NLRP1: variants seen among roughly 807,000 people sequenced by gnomAD.
The protein encoded by NLRP1 is NACHT, LRR and PYD domains-containing protein 1.
Under a neutral mutation model 136.7 loss-of-function variants are expected in NLRP1, and 94 were observed. The observed-to-expected ratio is 0.69, with a 90% CI of 0.58 to 0.82. The LOEUF (loss-of-function observed/expected upper bound fraction) is 0.82. Ranked by LOEUF, NLRP1 falls within the 40% of genes least tolerant of loss-of-function variation. The probability of loss-of-function intolerance (pLI) is 0.00; values close to 1 mark genes in which losing one functional copy is unlikely to be tolerated. For missense variants in NLRP1, 1,575 were observed against 1,802.7 expected (o/e 0.87, Z 2.29); for synonymous variants, 690 against 725.1 (o/e 0.95, Z 0.78).
chr17:5,532,349 G>C (rs1597412837), intron 11 of NLRP1, among the ~76,000 whole-genome samples: 1 of 152,202 alleles, frequency 6.6e-6, no homozygotes, highest in East Asian at 1.9e-4. Context: ...TAGATGAAAT[G>C]AAAGACTTAC....
Position 5,584,023 on chromosome 17 carries a change from G to A in NLRP1, c.-66C>T. 2 of 1,482,846 alleles carry A rather than the reference G, an allele frequency of 1.3e-6. No homozygotes were observed. Among genetic ancestry groups the A allele is most frequent in the Non-Finnish European group, 9.2e-7 (1 of 1,087,754 alleles). The allele number at this position is 1,482,846 out of a possible 1,614,324, so 91.9% of individuals were successfully genotyped here. On this transcript the variant is annotated 5_prime_UTR_variant, in exon 1 of 17. Transcript: ENST00000572272. ...AGGTGGTGAGGGTATCAGGCAGGCAGAGAACAGTGCTGTCCTTTGCCTTGG... is the reference window on the plus strand; with the variant it reads ...AGGTGGTGAGGGTATCAGGCAGGCAAAGAACAGTGCTGTCCTTTGCCTTGG...
At position 5,533,350 on chromosome 17, in the gene NLRP1, G is replaced by A. The variant is rs755033516; in HGVS notation, c.3087C>T (p.Leu1029=). The A allele has an allele frequency of 4.9e-6, 7 of 1,427,754 alleles. No individual in the cohort carries two copies. The South Asian group carries it at 8.6e-5, about 17-fold the overall frequency. The allele number at this position is 1,427,754 out of a possible 1,614,324, so 88.4% of individuals were successfully genotyped here. A position where few individuals can be genotyped will look rare whatever the true frequency, so the allele number is the denominator to read the frequency against. Residue 1029 remains leucine (L), a synonymous_variant, in exon 10 of 17, where the codon CTC becomes CTT. Coordinates refer to ENST00000572272, the MANE Select transcript of NLRP1 (RefSeq NM_033004.4). ...AGATCTTGCTCACGTCCAGGAGTTT[G>A]AGATTAGCCTGAGCAACATGGGAAG... ...RAASHVAQAN[L]KLLDVSKIFP...
chr17:5,564,654 G>A (rs1227873454), intron 3 of NLRP1, among the ~76,000 whole-genome samples: 1 of 151,184 alleles, frequency 6.6e-6, no homozygotes, highest in African/African-American at 2.4e-5. Flanking sequence ...CACAAACATA[G>A]AAGTGCATGT....
chr17:5,571,179 A>C (rs1288618158), intron 3 of NLRP1, among the ~76,000 whole-genome samples: 2 of 152,222 alleles, frequency 1.3e-5, no homozygotes, highest in African/African-American at 2.4e-5. Context: ...AGCTGGAAGT[A>C]TTCTCCTTGA....
chr17:5,513,006 G>A (rs79902710), downstream of NLRP1, among the ~76,000 whole-genome samples: 2,705 of 152,232 alleles, frequency 0.018, 78 homozygotes, highest in African/African-American at 0.061. Context: ...GCTTTCTCCT[G>A]AGGCCCTGCA....
At chr17:5,558,313 C>T (rs755595381) in intron 4 of NLRP1, 26 bp downstream of exon 4, 39 of 1,567,272 alleles carry the variant, frequency 2.5e-5, no homozygotes, top group Admixed American at 3.7e-5. Context: ...AGAGGAGCTG[C>T]AGACATGGGT....
At chr17:5,576,692 C>G (rs937052486) in intron 3 of NLRP1, among the ~76,000 whole-genome samples, 1 of 152,186 alleles carries the variant, frequency 6.6e-6, no homozygotes, top group Non-Finnish European at 1.5e-5. Flanking sequence ...CAAGGAGGAG[C>G]TGGTACCATT....
At chr17:5,522,718 T>C (rs565717374) in intron 12 of NLRP1, among the ~76,000 whole-genome samples, 4 of 152,242 alleles carry the variant, frequency 2.6e-5, no homozygotes, top group African/African-American at 7.2e-5. Flanking sequence ...GCCAAACTTA[T>C]ACGCAAACCC....
At chr17:5,567,420 CAAAT>C (rs962144557) in intron 3 of NLRP1, among the ~76,000 whole-genome samples, 10 of 151,434 alleles carry the variant, frequency 6.6e-5, no homozygotes, top group South Asian at 2.1e-4. Flanking sequence ...TTTGGATAAA[CAAAT>C]AAACAAACAG....
At chr17:5,560,961 A>G (rs1254249865) in intron 3 of NLRP1, among the ~76,000 whole-genome samples, 1 of 152,258 alleles carries the variant, frequency 6.6e-6, no homozygotes, top group Admixed American at 6.5e-5. Flanking sequence ...TATCTTAGTC[A>G]GATTCCAAAT....
intron 15 of NLRP1, chr17:5,506,114 G>A (rs9889954): frequency 0.28 from 42,511 of 151,228 alleles, 6,402 homozygotes; most frequent in African/African-American, 0.4. Flanking sequence ...GTGAAACCCC[G>A]TCTCTATTCA....
At chr17:5,560,748 C>G (rs1008750656) in intron 3 of NLRP1, among the ~76,000 whole-genome samples, 3 of 152,226 alleles carry the variant, frequency 2.0e-5, no homozygotes, top group African/African-American at 7.2e-5. Flanking sequence ...GTTCCATAAT[C>G]TACCTTTCCT....
chr17:5,521,802 T>A lies in NLRP1; in HGVS notation c.3521-16A>T. On this transcript the variant is annotated splice_polypyrimidine_tract_variant and intron_variant, in intron 12 of 16. Coordinates refer to ENST00000572272, the MANE Select transcript of NLRP1 (RefSeq NM_033004.4). Reference sequence around the variant, plus strand: ...ACATGGCCCCCTGTAAAAGAATGGATTGAAGAGGCACAGGTTTATTTTTAT... The same window carrying A: ...ACATGGCCCCCTGTAAAAGAATGGAATGAAGAGGCACAGGTTTATTTTTAT... 6.4e-7 allele frequency: 1 copy of A among 1,573,544 alleles called. No individual in the cohort carries two copies. The highest frequency in any genetic ancestry group is 8.6e-7 in the Non-Finnish European group (1 of 1,161,296).
intron 14 of NLRP1, among the ~76,000 whole-genome samples, chr17:5,520,399 G>C (rs892061405): frequency 6.6e-6 from 1 of 152,014 alleles, no homozygotes; most frequent in Admixed American, 6.6e-5. Context: ...ACAAATCTCC[G>C]TGTGGCCTGA....
At position 5,559,935 on chromosome 17, in the gene NLRP1, G is replaced by A. The variant is rs748774718; in HGVS notation, c.761C>T (p.Pro254Leu). 1 of 1,614,218 alleles carries A rather than the reference G, an allele frequency of 6.2e-7. No homozygotes were observed. Among genetic ancestry groups the A allele is most frequent in the Admixed American group, 1.7e-5 (1 of 60,034 alleles). Residue 254 changes from proline to leucine, a missense_variant, in exon 4 of 17, where the codon CCA becomes CTA. Transcript: ENST00000572272. ...AHTSLQPHHH[P>L]WEPSVRESLC... ...GCTCTCTCTCACAGAAGGCTCCCAT[G>A]GGTGGTGGTGGGGCTGTAGGCTGGT...
Position 5,515,455 on chromosome 17 carries a change from C to T in NLRP1, c.4102+18G>A, listed in dbSNP as rs201320147. 2,885 of 1,607,802 alleles carry T rather than the reference C, an allele frequency of 1.8e-3. 6 individuals are homozygous for T. Among genetic ancestry groups the T allele is most frequent in the Non-Finnish European group, 2.2e-3 (2,633 of 1,174,340 alleles). On this transcript the variant is annotated intron_variant, in intron 16 of 16. Transcript: ENST00000572272. ...GAACTGCCACCGCCTCCTGTGGTCT[C>T]TGAGAGCTGTTACTGACCTATGCGG...
At chr17:5,543,160 C>T (rs188824909) in intron 5 of NLRP1, among the ~76,000 whole-genome samples, 2 of 152,132 alleles carry the variant, frequency 1.3e-5, no homozygotes, top group African/African-American at 4.8e-5. Context: ...ATCCCAGTGC[C>T]CAGAGCAGGG....
chr17:5,517,113 C>T (rs140321599), intron 15 of NLRP1, among the ~76,000 whole-genome samples: 25 of 152,322 alleles, frequency 1.6e-4, no homozygotes, highest in African/African-American at 5.5e-4. Flanking sequence ...TTCCACCTCA[C>T]ACCCAAACTA....
chr17:5,565,407 G>T (rs1225588110), intron 3 of NLRP1, among the ~76,000 whole-genome samples: 1 of 152,148 alleles, frequency 6.6e-6, no homozygotes, highest in Non-Finnish European at 1.5e-5. Flanking sequence ...AGGGTAGTTT[G>T]CAAATACTTT....
Sources: allele counts gnomAD v4.1 joint callset (sites outside exome capture counted in the v4.1 genomes callset), GRCh38; gene constraint gnomAD v4.1.1; transcripts MANE v1.5; gene names NCBI Gene and HGNC (gene_info 2026-07-23, HGNC 2026-07-21).